MTUS2: variants seen among roughly 807,000 people sequenced by gnomAD.
MTUS2 encodes the protein microtubule associated scaffold protein 2, also known as microtubule-associated tumor suppressor candidate 2.
MTUS2 carries 40 observed loss-of-function variants against 114.1 expected under a neutral mutation model. The observed-to-expected ratio is 0.35, with a 90% CI of 0.27 to 0.46. The LOEUF (loss-of-function observed/expected upper bound fraction) is 0.46, where lower values mean the gene tolerates loss of function less well. MTUS2 is among the 20% of genes least tolerant of loss of function. The probability of loss-of-function intolerance (pLI) is 1.00; values close to 1 mark genes in which losing one functional copy is unlikely to be tolerated. For synonymous variants in MTUS2, 688 were observed against 672.0 expected (o/e 1.02, Z -0.37); for missense variants, 1,679 against 1,705.4 (o/e 0.98, Z 0.27).
intron 2 of MTUS2, among the ~76,000 whole-genome samples, chr13:28,980,772 T>C (rs758956459): frequency 3.9e-5 from 6 of 152,230 alleles, no homozygotes; most frequent in African/African-American, 9.6e-5. Context: ...GTTTTTGTCG[T>C]TGTTGTTTGT....
intron 2 of MTUS2, among the ~76,000 whole-genome samples, chr13:29,002,684 C>A (rs947444474): frequency 1.5e-4 from 23 of 152,174 alleles, no homozygotes; most frequent in African/African-American, 5.1e-4. Flanking sequence ...ATTAGATCGT[C>A]ATGCTGAGTT....
chr13:29,195,457 T>G (rs1894648098), intron 5 of MTUS2, among the ~76,000 whole-genome samples: 1 of 150,046 alleles, frequency 6.7e-6, no homozygotes, highest in Non-Finnish European at 1.5e-5. Flanking sequence ...TTTTGTAGAC[T>G]AGTTTGAAAT....
intron 9 of MTUS2, among the ~76,000 whole-genome samples, chr13:29,442,151 G>T (rs1364370346): frequency 6.6e-6 from 1 of 152,168 alleles, no homozygotes; most frequent in Admixed American, 6.5e-5. Context: ...GAGACCCTTG[G>T]AGATGGCCCC....
intron 5 of MTUS2, among the ~76,000 whole-genome samples, chr13:29,200,940 A>G (rs369156417): frequency 2.6e-5 from 4 of 152,144 alleles, no homozygotes; most frequent in African/African-American, 9.7e-5. Context: ...TAAGTAGTCA[A>G]TTTTAGAATA....
rs374589189 is a variant in MTUS2, at chr13:29,403,255, C to T, written c.3118-36728C>T. On this transcript the variant is annotated intron_variant, in intron 8 of 15. Coordinates refer to ENST00000612955, the MANE Select transcript of MTUS2 (RefSeq NM_001033602.4). ...TTGGGTCCCTGTTCCATTACCACTC[C>T]TCTTGTGTGTTTCTTCAGCAGCTCT... Among the ~76,000 whole-genome samples, 21 of 152,164 alleles carry T rather than the reference C, an allele frequency of 1.4e-4. 1 individual carries two copies. Among genetic ancestry groups the T allele is most frequent in the African/African-American group, 4.3e-4 (18 of 41,556 alleles).
At chr13:28,878,617 T>TAAC (rs1284310382) in intron 2 of MTUS2, among the ~76,000 whole-genome samples, 2 of 152,336 alleles carry the variant, frequency 1.3e-5, no homozygotes, top group African/African-American at 4.8e-5. Flanking sequence ...AGTTTGCTGA[T>TAAC]AACAGCTTCC....
At chr13:28,892,894 C>A (rs144214444) in intron 2 of MTUS2, among the ~76,000 whole-genome samples, 2 of 152,256 alleles carry the variant, frequency 1.3e-5, no homozygotes, top group African/African-American at 4.8e-5. Flanking sequence ...GGACTTCTTT[C>A]CAATGCAGAG....
At chr13:29,003,136 T>C (rs74045509) in intron 2 of MTUS2, among the ~76,000 whole-genome samples, 2,698 of 152,328 alleles carry the variant, frequency 0.018, 83 homozygotes, top group African/African-American at 0.061. Flanking sequence ...TTGGAATGGA[T>C]GGGACTTTTT....
intron 5 of MTUS2, among the ~76,000 whole-genome samples, chr13:29,213,742 G>A (rs1053437436): frequency 2.6e-5 from 4 of 151,854 alleles, no homozygotes; most frequent in African/African-American, 7.3e-5. Context: ...CTTCTTATAG[G>A]CCATATATAA....
At chr13:29,494,109 C>T (rs1882371891) in intron 12 of MTUS2, among the ~76,000 whole-genome samples, 1 of 152,164 alleles carries the variant, frequency 6.6e-6, no homozygotes, top group South Asian at 2.1e-4. Context: ...CTCTGTAAAC[C>T]TTAGTTTACT....
chr13:29,220,171 T>G (rs4350448), intron 5 of MTUS2, among the ~76,000 whole-genome samples: 85,830 of 151,558 alleles, frequency 0.57, 24,451 homozygotes, highest in Admixed American at 0.57. Context: ...GACTTTTTTG[T>G]TTTTTTTTAA....
intron 8 of MTUS2, among the ~76,000 whole-genome samples, chr13:29,406,039 C>T: frequency 6.6e-6 from 1 of 152,158 alleles, no homozygotes; most frequent in Non-Finnish European, 1.5e-5. Flanking sequence ...CTGCGCCTGG[C>T]CTTAACTATG....
At chr13:29,076,435 G>A (rs1212301423) in intron 4 of MTUS2, among the ~76,000 whole-genome samples, 9 of 152,238 alleles carry the variant, frequency 5.9e-5, no homozygotes, top group African/African-American at 2.2e-4. Context: ...AGAAATTTGA[G>A]AACAGCTTGG....
chr13:28,897,581 A>G (rs561343945), intron 2 of MTUS2, among the ~76,000 whole-genome samples: 1 of 152,274 alleles, frequency 6.6e-6, no homozygotes, highest in South Asian at 2.1e-4. Flanking sequence ...TCATGCTGCT[A>G]TAAAGACACA....
chr13:29,487,184 C>G (rs1046764937), intron 10 of MTUS2, among the ~76,000 whole-genome samples: 1 of 152,178 alleles, frequency 6.6e-6, no homozygotes, highest in African/African-American at 2.4e-5. Flanking sequence ...TAAAAACAGA[C>G]ACACAGACCT....
At chr13:29,341,354 G>A (rs1901386223) in intron 7 of MTUS2, among the ~76,000 whole-genome samples, 1 of 152,122 alleles carries the variant, frequency 6.6e-6, no homozygotes. Flanking sequence ...TCTTGCAGGA[G>A]TAAGGTGGTT....
intron 6 of MTUS2, among the ~76,000 whole-genome samples, chr13:29,313,144 A>T (rs1461793104): frequency 6.6e-6 from 1 of 152,154 alleles, no homozygotes. Context: ...TTAGAACAGC[A>T]GGCTGAGGAG....
chr13:29,194,265 G>C (rs1894575346), intron 5 of MTUS2, among the ~76,000 whole-genome samples: 1 of 152,118 alleles, frequency 6.6e-6, no homozygotes, highest in Non-Finnish European at 1.5e-5. Flanking sequence ...AAACTAAAAA[G>C]CTTCTACACA....
At position 29,026,022 on chromosome 13, in the gene MTUS2, A is replaced by G. The variant is rs1249185476; in HGVS notation, c.1324A>G (p.Asn442Asp). ...TGACAGTCATGTGGCTTTTATTCCT[A>G]ATAATCTGACTGACAGCAAGCCCTT... is the stretch of plus-strand genomic sequence containing the variant. Reference protein sequence around the residue: ...PGDSHVAFIPNNLTDSKPLDV... With the variant: ...PGDSHVAFIPDNLTDSKPLDV... Residue 442 changes from asparagine (N) to aspartate (D), a missense_variant, in exon 3 of 16, where the codon AAT (asparagine) becomes GAT (aspartate). Around this residue, in one of 3 missense-constraint regions of MTUS2, gnomAD observed 843 missense variants for 770.8 expected, o/e 1.09. Transcript: ENST00000612955. 6.2e-7 allele frequency: 1 copy of G among 1,613,960 alleles called. No homozygotes were observed. The highest frequency in any genetic ancestry group is 2.2e-5 in the East Asian group (1 of 44,866).
Sources: gnomAD v4.1 joint callset for allele counts (sites outside exome capture counted in the v4.1 genomes callset) on GRCh38, gnomAD v4.1.1 for gene constraint, gnomAD v4.1.1 regional missense constraint, MANE v1.5 for transcripts, NCBI Gene and HGNC (gene_info 2026-07-23, HGNC 2026-07-21) for gene names.